The following SGCZ variants were observed in gnomAD, a reference collection of about 807,000 sequenced individuals.
The protein encoded by SGCZ is zeta-sarcoglycan.
A neutral mutation model predicts 41.3 loss-of-function variants in SGCZ; 40 were observed. That is an observed-to-expected ratio of 0.97 (90% CI 0.75 to 1.26). The LOEUF (loss-of-function observed/expected upper bound fraction) is 1.26. SGCZ is among the 50% of genes most tolerant of loss of function. The pLI is 0.00. For missense variants in SGCZ, 552 were observed against 369.8 expected, an observed-to-expected ratio of 1.49 and a Z score of -4.04; for synonymous variants, 206 against 137.5, an observed-to-expected ratio of 1.50 and a Z score of -3.49.
At chr8:14,674,926 C>CGT (rs1808221331) in intron 1 of SGCZ, among the ~76,000 whole-genome samples, 1 of 64,216 alleles carries the variant, frequency 1.6e-5, no homozygotes, top group Admixed American at 2.0e-4. Flanking sequence ...CTTTTCTTTT[C>CGT]TGTTTTTTTT....
At position 14,454,451 on chromosome 8, in the gene SGCZ, T is replaced by C. The variant is rs575798800; in HGVS notation, c.234+100281A>G. The stretch of plus-strand genomic sequence containing the variant: ...CATTTCTTAATTGTGCCTCTTCTCA[T>C]CCGTTAGATAAATGAAGTTAACATT... On this transcript the variant is annotated intron_variant, in intron 2 of 7. Coordinates refer to ENST00000382080, the MANE Select transcript of SGCZ (RefSeq NM_139167.4). Among the ~76,000 whole-genome samples, 4 of 152,276 alleles carry C rather than the reference T, an allele frequency of 2.6e-5. No homozygotes were observed. The East Asian group carries it at 5.8e-4, about 22-fold the overall frequency.
At chr8:15,194,556 G>A (rs1800656849) in intron 1 of SGCZ, among the ~76,000 whole-genome samples, 2 of 152,100 alleles carry the variant, frequency 1.3e-5, no homozygotes, top group South Asian at 2.1e-4. Flanking sequence ...TTACCCAAGT[G>A]GGCCAATGGA....
intron 2 of SGCZ, among the ~76,000 whole-genome samples, chr8:14,496,257 C>G (rs529665836): frequency 6.6e-6 from 1 of 151,682 alleles, no homozygotes; most frequent in Non-Finnish European, 1.5e-5. Flanking sequence ...TTTGGAGAGA[C>G]AAAAATCCAC....
chr8:14,438,800 T>A (rs988947968), intron 2 of SGCZ, among the ~76,000 whole-genome samples: 2 of 152,044 alleles, frequency 1.3e-5, no homozygotes, highest in Non-Finnish European at 2.9e-5. Context: ...ACCATGATAA[T>A]TTTAATTATA....
chr8:15,065,911 T>G (rs1805123146), intron 1 of SGCZ, among the ~76,000 whole-genome samples: 1 of 152,226 alleles, frequency 6.6e-6, no homozygotes, highest in South Asian at 2.1e-4. Context: ...CATATTTCTG[T>G]GAAATAGGTG....
Position 14,902,720 on chromosome 8 carries a change from T to C in SGCZ, c.39+334865A>G, listed in dbSNP as rs369243842. 5.9e-5 allele frequency among the ~76,000 whole-genome samples: 9 copies of C among 152,196 alleles called. No homozygotes were observed. In the East Asian group the frequency reaches 1.7e-3, roughly 29 times the overall value. On this transcript the variant is annotated intron_variant, in intron 1 of 7. Coordinates refer to ENST00000382080, the MANE Select transcript of SGCZ (RefSeq NM_139167.4). ...ATAAATATCACAAAACAAACATGAT[T>C]TCCTGCAATTTTCTTTACAATTCTT...
At chr8:14,952,158 T>C (rs181018064) in intron 1 of SGCZ, among the ~76,000 whole-genome samples, 8 of 152,266 alleles carry the variant, frequency 5.3e-5, no homozygotes, top group Non-Finnish European at 1.2e-4. Flanking sequence ...TAAAATATAT[T>C]TTTTCATAAA....
At chr8:14,695,728 A>C (rs999001088) in intron 1 of SGCZ, among the ~76,000 whole-genome samples, 108 of 152,046 alleles carry the variant, frequency 7.1e-4, no homozygotes, top group African/African-American at 2.5e-3. Flanking sequence ...AACAATATAC[A>C]GTTTTCAAAG....
intron 1 of SGCZ, among the ~76,000 whole-genome samples, chr8:14,741,971 T>G (rs1585223824): frequency 6.6e-6 from 1 of 152,192 alleles, no homozygotes; most frequent in East Asian, 1.9e-4. Flanking sequence ...TCCCGTCTGT[T>G]TAGTCCTCCA....
At chr8:15,194,312 A>C (rs1346047741) in intron 1 of SGCZ, among the ~76,000 whole-genome samples, 1 of 151,946 alleles carries the variant, frequency 6.6e-6, no homozygotes, top group Non-Finnish European at 1.5e-5. Context: ...TGCCTATGTA[A>C]GTTTATTCAT....
Position 14,615,486 on chromosome 8 carries a change from A to C in SGCZ, c.40-60560T>G, listed in dbSNP as rs928983164. Among the ~76,000 whole-genome samples the C allele has an allele frequency of 1.3e-4, 20 of 152,306 alleles. 1 individual carries two copies. The highest frequency in any genetic ancestry group is 4.1e-4 in the South Asian group (2 of 4,826). The stretch of plus-strand genomic sequence containing the variant: ...TCATAAATAGTTCTTTGCTCAAATA[A>C]ACTGTGCTAAATTTAATTTGTCTAA... On this transcript the variant is annotated intron_variant, in intron 1 of 7. Coordinates refer to ENST00000382080, the MANE Select transcript of SGCZ (RefSeq NM_139167.4).
At chr8:14,677,895 C>T (rs1585175513) in intron 1 of SGCZ, among the ~76,000 whole-genome samples, 1 of 152,058 alleles carries the variant, frequency 6.6e-6, no homozygotes, top group East Asian at 1.9e-4. Flanking sequence ...TTTATCTGAC[C>T]CTAGTATTTA....
chr8:14,820,462 T>C (rs535122027), intron 1 of SGCZ, among the ~76,000 whole-genome samples: 84 of 151,936 alleles, frequency 5.5e-4, no homozygotes, highest in Non-Finnish European at 1.0e-3. Context: ...CAAAGAAAAA[T>C]TGGAATTAAA....
chr8:14,540,947 T>C (rs1260258655), intron 2 of SGCZ, among the ~76,000 whole-genome samples: 1 of 151,312 alleles, frequency 6.6e-6, no homozygotes, highest in African/African-American at 2.4e-5. Context: ...AACTTCATTT[T>C]TTCACAGTTA....
At chr8:15,091,436 T>C (rs913567779) in intron 1 of SGCZ, among the ~76,000 whole-genome samples, 1 of 152,234 alleles carries the variant, frequency 6.6e-6, no homozygotes, top group Non-Finnish European at 1.5e-5. Context: ...GAAATCCTCA[T>C]CATTCTGGAA....
intron 2 of SGCZ, among the ~76,000 whole-genome samples, chr8:14,529,511 G>T (rs1366102034): frequency 6.6e-6 from 1 of 152,120 alleles, no homozygotes; most frequent in Non-Finnish European, 1.5e-5. Context: ...CAGCTTGGTA[G>T]TGAACTCCAG....
chr8:14,998,635 G>C (rs1045171212), intron 1 of SGCZ, among the ~76,000 whole-genome samples: 1 of 152,182 alleles, frequency 6.6e-6, no homozygotes, highest in East Asian at 1.9e-4. Context: ...AATAGCAAAA[G>C]CAAGAAGAGG....
intron 2 of SGCZ, among the ~76,000 whole-genome samples, chr8:14,441,073 T>A (rs1800247489): frequency 6.6e-6 from 1 of 152,194 alleles, no homozygotes; most frequent in Non-Finnish European, 1.5e-5. Flanking sequence ...AGGGGTGCAC[T>A]GATACAGGAC....
At chr8:14,581,898 C>A (rs551874930) in intron 1 of SGCZ, among the ~76,000 whole-genome samples, 4 of 152,264 alleles carry the variant, frequency 2.6e-5, no homozygotes, top group East Asian at 3.9e-4. Context: ...CATGGACACA[C>A]TTATAAGCAG....
Sources: gnomAD v4.1 joint callset for allele counts (sites outside exome capture counted in the v4.1 genomes callset) on GRCh38, gnomAD v4.1.1 for gene constraint, MANE v1.5 for transcripts, NCBI Gene and HGNC (gene_info 2026-07-23, HGNC 2026-07-21) for gene names.